VPS13D: variants seen among roughly 807,000 people sequenced by gnomAD.
VPS13D encodes the protein intermembrane lipid transfer protein VPS13D.
A neutral mutation model predicts 461.9 loss-of-function variants in VPS13D; 187 were observed. The observed-to-expected ratio is 0.40, with a 90% CI of 0.36 to 0.46. The LOEUF (loss-of-function observed/expected upper bound fraction) is 0.46, where lower values mean the gene tolerates loss of function less well. VPS13D is among the 20% of genes least tolerant of loss of function. The pLI is 0.60. For missense variants in VPS13D, 4,711 were observed against 5,364.9 expected, an observed-to-expected ratio of 0.88 and a Z score of 3.81; for synonymous variants, 1,951 against 1,986.3, an observed-to-expected ratio of 0.98 and a Z score of 0.47.
At chr1:12,348,110 G>GA in intron 44 of VPS13D, among the ~76,000 whole-genome samples, 1 of 152,148 alleles carries the variant, frequency 6.6e-6, no homozygotes, top group South Asian at 2.1e-4. Context: ...ATGACATTTA[G>GA]AAAAAAAGAA....
rs375250929 is a variant in VPS13D, at chr1:12,439,882, A to G, written c.12334-16116A>G. ...AAACCACTTTGAGGTCACACATTTG[A>G]ACCCTAATGTGTGACCCCAGAGCTT... is the stretch of plus-strand genomic sequence containing the variant. On this transcript the variant is annotated intron_variant, in intron 65 of 69. Coordinates refer to ENST00000620676, the MANE Select transcript of VPS13D (RefSeq NM_015378.4). Among the ~76,000 whole-genome samples, 49 of 152,328 alleles carry G rather than the reference A, an allele frequency of 3.2e-4. 1 individual carries two copies. In the East Asian group the frequency reaches 9.2e-3, roughly 29 times the overall value.
chr1:12,311,674 G>GACTGAGT (rs1642755150), intron 28 of VPS13D, 49 bp downstream of exon 28: 3 of 1,605,286 alleles, frequency 1.9e-6, no homozygotes, highest in Non-Finnish European at 2.6e-6. Context: ...CTCAGCTGAC[G>GACTGAGT]GTCACCCTGT....
intron 67 of VPS13D, among the ~76,000 whole-genome samples, chr1:12,492,215 A>G (rs1645892400): frequency 6.6e-6 from 1 of 152,266 alleles, no homozygotes; most frequent in Non-Finnish European, 1.5e-5. Context: ...CTGTAGCACC[A>G]ATGGCAGGAT....
chr1:12,343,066 A>T lies in VPS13D; in HGVS notation c.8885+15A>T. 1 of 1,577,378 alleles carries T rather than the reference A, an allele frequency of 6.3e-7. No homozygotes were observed. The highest frequency in any genetic ancestry group is 1.2e-5 in the South Asian group (1 of 86,078). On this transcript the variant is annotated intron_variant, in intron 42 of 69. Transcript: ENST00000620676. The stretch of plus-strand genomic sequence containing the variant: ...TTAAGACACAGGTAAAGTATGGTTT[A>T]TTCTTTTCTTTAAAAAAAAGAAAGT...
intron 2 of VPS13D, among the ~76,000 whole-genome samples, chr1:12,239,673 T>G (rs1234495692): frequency 6.6e-6 from 1 of 152,152 alleles, no homozygotes; most frequent in African/African-American, 2.4e-5. Flanking sequence ...TTTTATAAGC[T>G]CCGAACCTTA....
intron 35 of VPS13D, among the ~76,000 whole-genome samples, chr1:12,325,366 A>T (rs574289649): frequency 1.7e-4 from 25 of 150,564 alleles, no homozygotes; most frequent in African/African-American, 5.1e-4. Flanking sequence ...TTCAAGTGAT[A>T]CTCCTGCCTC....
chr1:12,371,818 C>G (rs1003315506), intron 54 of VPS13D, among the ~76,000 whole-genome samples: 1 of 152,108 alleles, frequency 6.6e-6, no homozygotes, highest in Non-Finnish European at 1.5e-5. Context: ...CTATTGTAAA[C>G]AGTGTTGCTA....
At chr1:12,331,666 C>A (rs193240156) in intron 37 of VPS13D, among the ~76,000 whole-genome samples, 2 of 143,592 alleles carry the variant, frequency 1.4e-5, no homozygotes, top group African/African-American at 5.2e-5. Context: ...GAGCCAAGAT[C>A]GTGCCACTGC....
At chr1:12,288,429 G>A in intron 22 of VPS13D, 116 bp downstream of exon 22, 1 of 872,440 alleles carries the variant, frequency 1.1e-6, no homozygotes, top group Non-Finnish European at 1.9e-6. Context: ...TGGCTTGATT[G>A]TGGTTATTAG....
In VPS13D at chr1:12,304,607, C is replaced by T. The variant is rs1642511542; in HGVS notation, c.6318C>T (p.Phe2106=). The T allele has an allele frequency of 6.2e-7, 1 of 1,613,960 alleles. No homozygotes were observed. Among genetic ancestry groups the T allele is most frequent in the Non-Finnish European group, 8.5e-7 (1 of 1,180,026 alleles). ...EPRGTHSQGQ[F]TMPLAGMSLG... Reference sequence around the variant, plus strand: ...GGGGAACCCATTCCCAGGGGCAGTTCACGATGCCTCTTGCTGGAATGAGCC... The same window carrying T: ...GGGGAACCCATTCCCAGGGGCAGTTTACGATGCCTCTTGCTGGAATGAGCC... The change falls in exon 26 of 70, where the codon TTC becomes TTT. Residue 2106 remains phenylalanine (F), a synonymous_variant. Coordinates refer to ENST00000620676, the MANE Select transcript of VPS13D (RefSeq NM_015378.4).
intron 14 of VPS13D, among the ~76,000 whole-genome samples, 161 bp downstream of exon 14, chr1:12,267,172 G>A (rs1641297669): frequency 6.6e-6 from 1 of 152,212 alleles, no homozygotes; most frequent in African/African-American, 2.4e-5. Context: ...AAATGTTGGT[G>A]ACATTAATGG....
In VPS13D at chr1:12,283,436, T is replaced by A. The variant is rs144311414; in HGVS notation, c.5334T>A (p.Ser1778Arg). The A allele has an allele frequency of 2.7e-3, 4,371 of 1,614,124 alleles. 25 individuals carry two copies. The highest frequency in any genetic ancestry group is 7.8e-3 in the Middle Eastern group (47 of 6,062). ...VDEPKILVGKSKFDDSLVHIN... is the reference protein window; with the variant it reads ...VDEPKILVGKRKFDDSLVHIN... ...AGCCCAAGATACTTGTTGGAAAGAG[T>A]AAATTTGATGATTCCTTAGTCCACA... Residue 1778 changes from serine (S) to arginine (R), a missense_variant, in exon 21 of 70, where the codon AGT becomes AGA. Physicochemically the swap from Ser to Arg is moderately radical, Grantham distance 110. Coordinates refer to ENST00000620676, the MANE Select transcript of VPS13D (RefSeq NM_015378.4).
intron 10 of VPS13D, among the ~76,000 whole-genome samples, chr1:12,260,260 C>T (rs928037801): frequency 4.6e-5 from 7 of 151,864 alleles, no homozygotes; most frequent in African/African-American, 1.2e-4. Context: ...CTCCTGACCT[C>T]GTGATCCGCC....
intron 26 of VPS13D, 123 bp downstream of exon 26, chr1:12,304,851 CGAT>C (rs1642519215): frequency 2.1e-6 from 2 of 957,146 alleles, no homozygotes; most frequent in Admixed American, 2.5e-5. Flanking sequence ...ATTTCTTTAA[CGAT>C]GATGAGATTC....
intron 68 of VPS13D, among the ~76,000 whole-genome samples, chr1:12,506,187 T>A (rs924311657): frequency 2.0e-5 from 3 of 152,072 alleles, no homozygotes; most frequent in African/African-American, 7.2e-5. Flanking sequence ...GCCAGAGAGG[T>A]TTGATGTGCA....
At chr1:12,239,435 A>G (rs548299686) in intron 2 of VPS13D, among the ~76,000 whole-genome samples, 75 of 152,338 alleles carry the variant, frequency 4.9e-4, no homozygotes, top group African/African-American at 1.8e-3. Context: ...CACTGCGCCC[A>G]GCCTTAAGTG....
intron 54 of VPS13D, among the ~76,000 whole-genome samples, chr1:12,372,940 C>T (rs1479632966): frequency 1.3e-5 from 2 of 150,828 alleles, no homozygotes; most frequent in East Asian, 3.9e-4. Flanking sequence ...AGAAACGTAA[C>T]ACGATTGAAT....
Position 12,511,405 on chromosome 1 carries a change from C to T in VPS13D, c.*2381C>T, listed in dbSNP as rs1646179927. ...AGAAGGTTTCAGGGGCATTTGACAT[C>T]CCCTCCTGGTTCTCACCAGGAAAAC... On this transcript the variant is annotated 3_prime_UTR_variant, in exon 70 of 70. Coordinates refer to ENST00000620676, the MANE Select transcript of VPS13D (RefSeq NM_015378.4). The surrounding 1 kb of genome is among the most constrained non-coding windows in gnomAD (Gnocchi z 4.5). 1 of 152,220 alleles carries T rather than the reference C, an allele frequency of 6.6e-6. No individual in the cohort carries two copies. The highest frequency in any genetic ancestry group is 2.4e-5 in the African/African-American group (1 of 41,464). 9.4% of individuals were successfully genotyped at this position (152,220 alleles called of 1,614,324 possible). A position where few individuals can be genotyped will look rare whatever the true frequency, so the allele number is the denominator to read the frequency against.
At position 12,257,003 on chromosome 1, in the gene VPS13D, T is replaced by A. The variant is rs751751657; in HGVS notation, c.857T>A (p.Ile286Asn). 1.2e-6 allele frequency: 2 copies of A among 1,614,108 alleles called. No homozygotes were observed. Among genetic ancestry groups the A allele is most frequent in the Non-Finnish European group, 1.7e-6 (2 of 1,180,022 alleles). ...LKLSQLQYRQ[I>N]MEFLKELERK... ...AATACAAAGCTGCAATACCGGCAAA[T>A]CATGGAATTCCTCAAGGAGCTGGAA... Residue 286 changes from isoleucine to asparagine, a missense_variant, in exon 9 of 70, where the codon ATC becomes AAC. Ile to Asn is a moderately radical substitution (Grantham distance 149). Around this residue, in one of 3 missense-constraint regions of VPS13D, gnomAD observed 4,411 missense variants for 4,937.8 expected, o/e 0.89. Coordinates refer to ENST00000620676, the MANE Select transcript of VPS13D (RefSeq NM_015378.4).
Sources: allele counts gnomAD v4.1 joint callset (sites outside exome capture counted in the v4.1 genomes callset), GRCh38; gene constraint gnomAD v4.1.1; regional missense constraint gnomAD v4.1.1; non-coding constraint Gnocchi (gnomAD v3.1); transcripts MANE v1.5; gene names NCBI Gene and HGNC (gene_info 2026-07-23, HGNC 2026-07-21).